Variants in CC2D1A observed in about 807,000 individuals in gnomAD.
CC2D1A encodes coiled-coil and C2 domain containing 1A.
Under a neutral mutation model 123.8 loss-of-function variants are expected in CC2D1A, and 68 were observed. The observed-to-expected ratio is 0.55, with a 90% CI of 0.45 to 0.67. CC2D1A has a LOEUF of 0.67. CC2D1A is among the 30% of genes least tolerant of loss of function. The pLI, the probability that CC2D1A is intolerant of heterozygous loss-of-function variation, is 0.00. For synonymous variants in CC2D1A, 477 were observed against 528.0 expected (o/e 0.90, Z 1.32); for missense variants, 1,185 against 1,290.3 (o/e 0.92, Z 1.25).
At chr19:13,925,972 A>ATGTGTATATATATATACATATATG (rs1971594847) in intron 17 of CC2D1A, among the ~76,000 whole-genome samples, 2 of 105,384 alleles carry the variant, frequency 1.9e-5, no homozygotes, top group Admixed American at 1.1e-4. Context: ...ACGTATATAT[A>ATGTGTATATATATATACATATATG]TGTGTATATA....
intron 6 of CC2D1A, among the ~76,000 whole-genome samples, chr19:13,916,991 G>A (rs1971229332): frequency 6.6e-6 from 1 of 152,118 alleles, no homozygotes; most frequent in Non-Finnish European, 1.5e-5. Flanking sequence ...CTGAATACTG[G>A]GTTTCCTAAC....
At chr19:13,925,976 G>GTATA (rs1288851799) in intron 17 of CC2D1A, among the ~76,000 whole-genome samples, 2 of 79,726 alleles carry the variant, frequency 2.5e-5, no homozygotes, top group African/African-American at 1.4e-4. Context: ...ATATATATGT[G>GTATA]TATATATATA....
At chr19:13,925,025 GTC>G (rs1372629968) in intron 17 of CC2D1A, among the ~76,000 whole-genome samples, 1 of 152,006 alleles carries the variant, frequency 6.6e-6, no homozygotes, top group Non-Finnish European at 1.5e-5. Flanking sequence ...TCTTCCTCAG[GTC>G]TCCATGTGGC....
chr19:13,911,552 T>G (rs1970998938), intron 2 of CC2D1A, among the ~76,000 whole-genome samples: 2 of 150,662 alleles, frequency 1.3e-5, no homozygotes, highest in African/African-American at 4.9e-5. Flanking sequence ...TGTGTTTTTT[T>G]TTTTTTTTTT....
At chr19:13,913,930 G>A (rs754644500) in intron 6 of CC2D1A, among the ~76,000 whole-genome samples, 4 of 152,108 alleles carry the variant, frequency 2.6e-5, no homozygotes, top group Non-Finnish European at 5.9e-5. Flanking sequence ...TGCCCAGGCT[G>A]GAGCGCAGTG....
Position 13,918,076 on chromosome 19 carries a change from G to A in CC2D1A, c.755G>A (p.Cys252Tyr). 6.2e-7 allele frequency: 1 copy of A among 1,613,134 alleles called. No homozygotes were observed. Among genetic ancestry groups the A allele is most frequent in the Non-Finnish European group, 8.5e-7 (1 of 1,179,926 alleles). Reference sequence around the variant, plus strand: ...ATGTTGTTCTCCCTTCCAGGTCCCTGCAGCCCTGGCCCTCTGGCCCAGTTG... The same window carrying A: ...ATGTTGTTCTCCCTTCCAGGTCCCTACAGCCCTGGCCCTCTGGCCCAGTTG... ...LAKPQMPPGP[C>Y]SPGPLAQLQS... Residue 252 changes from cysteine (C) to tyrosine (Y), a missense_variant, in exon 7 of 29, where the codon TGC becomes TAC. Cys to Tyr is a radical substitution (Grantham distance 194). Transcript: ENST00000318003.
chr19:13,906,841 G>A lies in CC2D1A; in HGVS notation c.60+340G>A, dbSNP rs1970769018. Among the ~76,000 whole-genome samples the A allele has an allele frequency of 6.6e-6, 1 of 152,248 alleles. No homozygotes were observed. Among genetic ancestry groups the A allele is most frequent in the African/African-American group, 2.4e-5 (1 of 41,458 alleles). ...GTACAGATGAGGACTTTGAGACTCA[G>A]AGACGTGAAGACATCTGCCCAAGGT... is the stretch of plus-strand genomic sequence containing the variant. On this transcript the variant is annotated intron_variant, in intron 1 of 28. Transcript: ENST00000318003. This position sits in a 1 kb window ranked among gnomAD's most constrained non-coding sequence, Gnocchi z 4.1.
At position 13,929,661 on chromosome 19, in the gene CC2D1A, G is replaced by T; in HGVS notation, c.2710+1G>T. The T allele has an allele frequency of 6.5e-7, 1 of 1,536,154 alleles. No homozygotes were observed. ...CAGGGGGGTGTGGGCATCCGACGGG[G>T]TAGGGGTTTGGAGATGGGCATCTGG... On this transcript the variant is annotated splice_donor_variant, in intron 26 of 28. Transcript: ENST00000318003. LOFTEE classifies it high-confidence loss of function.
chr19:13,922,885 T>C (rs1388258102), intron 14 of CC2D1A, among the ~76,000 whole-genome samples: 2 of 151,962 alleles, frequency 1.3e-5, no homozygotes, highest in Non-Finnish European at 2.9e-5. Flanking sequence ...AATGGGACAA[T>C]GGAAGGATCA....
chr19:13,918,518 C>T lies in CC2D1A; in HGVS notation c.888C>T (p.Val296=), dbSNP rs1412035637. ...CCTTCTCCCAGAGCTTTGATGCTGT[C>T]TTGGAGGCCCTGAGCCGGGGTGAGC... is the stretch of plus-strand genomic sequence containing the variant. The part of the protein sequence containing the change: ...HFRVAKSFDA[V]LEALSRGEPV... The change falls in exon 8 of 29, where the codon GTC becomes GTT. Residue 296 remains valine, a synonymous_variant. Transcript: ENST00000318003. 1 of 1,613,996 alleles carries T rather than the reference C, an allele frequency of 6.2e-7. No individual in the cohort carries two copies. Among genetic ancestry groups the T allele is most frequent in the Non-Finnish European group, 8.5e-7 (1 of 1,179,972 alleles).
intron 24 of CC2D1A, 94 bp from the exon 25 acceptor site, chr19:13,929,285 G>T: frequency 7.6e-7 from 1 of 1,322,948 alleles, no homozygotes; most frequent in Non-Finnish European, 1.1e-6. Flanking sequence ...GATTACAGGC[G>T]TGAGCCACTG....
At chr19:13,913,082 A>T in intron 4 of CC2D1A, 86 bp from the exon 5 acceptor site, 1 of 1,392,474 alleles carries the variant, frequency 7.2e-7, no homozygotes, top group South Asian at 1.5e-5. Context: ...CAGGGATGAC[A>T]TGGGGCCGAC....
chr19:13,927,305 ATGCTACTCGTTAACATTAT>A, intron 22 of CC2D1A, 40 bp downstream of exon 22: 1 of 1,501,448 alleles, frequency 6.7e-7, no homozygotes, highest in Non-Finnish European at 9.3e-7. Flanking sequence ...CGGTATGGCC[ATGCTACTCGTTAACATTAT>A]TAAAACACTT....
At position 13,927,941 on chromosome 19, in the gene CC2D1A, C is replaced by G; in HGVS notation, c.2365C>G (p.Arg789Gly). The change falls in exon 23 of 29, where the codon CGG (arginine) becomes GGG (glycine). Residue 789 changes from arginine (R) to glycine (G), a missense_variant. Physicochemically the swap from Arg to Gly is moderately radical, Grantham distance 125. Transcript: ENST00000318003. ...PTGGRLEVMV[R>G]IREPLTAQQL... is the part of the protein sequence containing the mutation. Reference sequence around the variant, plus strand: ...AGGGGGGCGACTGGAGGTAATGGTCCGGATTCGGGAGCCACTGACAGCCCA... The same window carrying G: ...AGGGGGGCGACTGGAGGTAATGGTCGGGATTCGGGAGCCACTGACAGCCCA... The G allele has an allele frequency of 4.3e-6, 7 of 1,613,536 alleles. No individual in the cohort carries two copies. The highest frequency in any genetic ancestry group is 5.9e-6 in the Non-Finnish European group (7 of 1,179,894).
intron 17 of CC2D1A, among the ~76,000 whole-genome samples, chr19:13,925,951 TATATATATACAC>T (rs1971587932): frequency 2.2e-5 from 3 of 134,116 alleles, no homozygotes; most frequent in African/African-American, 8.9e-5. Context: ...TATATATATA[TATATATATACAC>T]GTATATATAT....
intron 22 of CC2D1A, chr19:13,927,643 T>C (rs1443694001): frequency 9.9e-6 from 5 of 504,364 alleles, no homozygotes; most frequent in African/African-American, 9.6e-5. Context: ...CCAGGCATGG[T>C]GGCGGGCGCC....
At position 13,930,152 on chromosome 19, in the gene CC2D1A, A is replaced by T. The variant is rs1296353968; in HGVS notation, c.2785A>T (p.Arg929Trp). 1 of 1,613,186 alleles carries T rather than the reference A, an allele frequency of 6.2e-7. No homozygotes were observed. The highest frequency in any genetic ancestry group is 8.5e-7 in the Non-Finnish European group (1 of 1,179,712). The part of the protein sequence containing the change: ...AARRLGNDGS[R>W]DAAKEALYRR... ...CCGGCGCCTGGGCAACGATGGCAGCAGGGTGAGCTGGTCGCGGGCCGGGTG... is the reference window on the plus strand; with the variant it reads ...CCGGCGCCTGGGCAACGATGGCAGCTGGGTGAGCTGGTCGCGGGCCGGGTG... Residue 929 changes from arginine to tryptophan, a missense_variant and splice_region_variant, in exon 27 of 29, where the codon AGG becomes TGG. Transcript: ENST00000318003. This position sits in a 1 kb window ranked among gnomAD's most constrained non-coding sequence, Gnocchi z 6.8.
At position 13,926,046 on chromosome 19, in the gene CC2D1A, ACG is replaced by A. The variant is rs780295890; in HGVS notation, c.1941-470_1941-469del. 4.3e-4 allele frequency among the ~76,000 whole-genome samples: 22 copies of A among 51,136 alleles called. 1 individual carries two copies. Among genetic ancestry groups the A allele is most frequent in the African/African-American group, 2.1e-3 (17 of 8,080 alleles). The allele number at this position is 51,136 out of a possible 152,430, so 33.5% of individuals were successfully genotyped here. On this transcript the variant is annotated intron_variant, in intron 17 of 28. Transcript: ENST00000318003. The stretch of plus-strand genomic sequence containing the variant: ...TATATGTGTATATATATATATATAC[ACG>A]TATATATATGTATATATACACACAC...
chr19:13,916,046 A>G (rs1287259702), intron 6 of CC2D1A, among the ~76,000 whole-genome samples: 2 of 152,156 alleles, frequency 1.3e-5, no homozygotes, highest in Admixed American at 1.3e-4. Flanking sequence ...ACTTGAGGCC[A>G]GGAGTTCAAG....
Sources: allele counts gnomAD v4.1 joint callset (sites outside exome capture counted in the v4.1 genomes callset), GRCh38; gene constraint gnomAD v4.1.1; non-coding constraint Gnocchi (gnomAD v3.1); transcripts MANE v1.5; gene names NCBI Gene and HGNC (gene_info 2026-07-23, HGNC 2026-07-21).